CDH12: variants seen among roughly 807,000 people sequenced by gnomAD.
CDH12 encodes the protein cadherin-12.
A neutral mutation model predicts 74.1 loss-of-function variants in CDH12; 41 were observed. The ratio of observed to expected loss-of-function variants is 0.55; its 90% CI spans 0.43 to 0.72. The LOEUF (loss-of-function observed/expected upper bound fraction) is 0.72, where lower values mean the gene tolerates loss of function less well. Among genes scored for constraint, CDH12 ranks in the 30% least tolerant of loss-of-function variants. The pLI is 0.00. For synonymous variants in CDH12, 399 were observed against 355.0 expected (o/e 1.12, Z -1.39); for missense variants, 945 against 977.2 (o/e 0.97, Z 0.44).
At chr5:22,115,684 C>T (rs576881422) in intron 4 of CDH12, among the ~76,000 whole-genome samples, 2 of 143,918 alleles carry the variant, frequency 1.4e-5, no homozygotes, top group African/African-American at 5.1e-5. Flanking sequence ...TTTTGGTCCT[C>T]GCGACTTTTT....
chr5:22,333,792 G>A (rs1739445990), intron 3 of CDH12, among the ~76,000 whole-genome samples: 1 of 152,208 alleles, frequency 6.6e-6, no homozygotes, highest in Non-Finnish European at 1.5e-5. Flanking sequence ...TCATGAATAA[G>A]TTGGATTTAT....
chr5:22,512,833 C>T lies in CDH12; in HGVS notation c.-522-7469G>A, dbSNP rs1001309009. ...TTCCCAACACTTTGGGAGGCCTAGT[C>T]GGGTGGATCATCTGAGTTCGGAGTT... On this transcript the variant is annotated intron_variant, in intron 1 of 14. Coordinates refer to ENST00000382254, the MANE Select transcript of CDH12 (RefSeq NM_004061.5). Among the ~76,000 whole-genome samples the T allele has an allele frequency of 9.2e-4, 140 of 152,032 alleles. 1 individual carries two copies. Among genetic ancestry groups the T allele is most frequent in the Non-Finnish European group, 6.8e-4 (46 of 68,014 alleles).
chr5:22,493,739 A>G (rs1746986055), intron 2 of CDH12, among the ~76,000 whole-genome samples: 1 of 152,194 alleles, frequency 6.6e-6, no homozygotes, highest in Admixed American at 6.5e-5. Flanking sequence ...AAGGCTGGGT[A>G]CTTGAAAGAA....
At chr5:22,549,996 A>G (rs1328707826) in intron 1 of CDH12, among the ~76,000 whole-genome samples, 1 of 152,082 alleles carries the variant, frequency 6.6e-6, no homozygotes, top group Non-Finnish European at 1.5e-5. Flanking sequence ...TTTGCCCACA[A>G]CTTCCTCTTA....
intron 2 of CDH12, among the ~76,000 whole-genome samples, chr5:22,489,810 CT>C (rs1258029334): frequency 6.6e-6 from 1 of 150,946 alleles, no homozygotes; most frequent in African/African-American, 2.4e-5. Flanking sequence ...TCCTCAGCCT[CT>C]GGATTAGCTG....
chr5:22,464,454 G>C (rs956977178), intron 2 of CDH12, among the ~76,000 whole-genome samples: 1 of 152,116 alleles, frequency 6.6e-6, no homozygotes. Context: ...AACTCATGCT[G>C]TTTAAGCTAC....
intron 4 of CDH12, among the ~76,000 whole-genome samples, chr5:22,209,816 A>C (rs141697906): frequency 6.6e-6 from 1 of 152,158 alleles, no homozygotes; most frequent in Non-Finnish European, 1.5e-5. Context: ...AAATAGTCTT[A>C]CAATATTCAT....
intron 2 of CDH12, among the ~76,000 whole-genome samples, chr5:22,418,277 G>T (rs899361892): frequency 6.6e-6 from 1 of 151,988 alleles, no homozygotes; most frequent in African/African-American, 2.4e-5. Flanking sequence ...GAATGCTTGT[G>T]ATTTTTGCAC....
chr5:22,068,370 G>C (rs1741710449), intron 5 of CDH12, among the ~76,000 whole-genome samples: 1 of 152,192 alleles, frequency 6.6e-6, no homozygotes, highest in South Asian at 2.1e-4. Flanking sequence ...GGTTCTTCAT[G>C]ATAAGCAAGC....
intron 1 of CDH12, among the ~76,000 whole-genome samples, chr5:22,678,044 T>TGGCGGG (rs35237837): frequency 5.9e-5 from 8 of 135,212 alleles, no homozygotes; most frequent in South Asian, 2.6e-4. Context: ...ACCATCCTCA[T>TGGCGGG]GGGGGGGGGG....
chr5:22,174,635 G>C (rs905940332), intron 4 of CDH12, among the ~76,000 whole-genome samples: 1 of 151,880 alleles, frequency 6.6e-6, no homozygotes, highest in Non-Finnish European at 1.5e-5. Context: ...AGTTCTGCCT[G>C]TTCTATTAAG....
At chr5:21,905,666 G>C (rs1014089434) in intron 6 of CDH12, among the ~76,000 whole-genome samples, 4 of 152,112 alleles carry the variant, frequency 2.6e-5, no homozygotes, top group African/African-American at 4.8e-5. Context: ...GGACTAGAAA[G>C]TTCTCACAGA....
At chr5:22,796,428 A>C (rs1310769885) in intron 1 of CDH12, among the ~76,000 whole-genome samples, 1 of 150,006 alleles carries the variant, frequency 6.7e-6, no homozygotes, top group Admixed American at 6.6e-5. Context: ...CATTTCAGTT[A>C]TTAGTAGGAT....
At chr5:22,509,048 C>A (rs1736502642) in intron 1 of CDH12, among the ~76,000 whole-genome samples, 1 of 152,162 alleles carries the variant, frequency 6.6e-6, no homozygotes, top group East Asian at 1.9e-4. Context: ...TCTAATAAAA[C>A]AACTTCCTCA....
chr5:22,708,319 A>T (rs1743123104), intron 1 of CDH12, among the ~76,000 whole-genome samples: 1 of 152,200 alleles, frequency 6.6e-6, no homozygotes, highest in Non-Finnish European at 1.5e-5. Flanking sequence ...CAACACAAAC[A>T]TATGTACAAA....
At chr5:22,083,163 G>T (rs1742850966) in intron 4 of CDH12, among the ~76,000 whole-genome samples, 2 of 152,146 alleles carry the variant, frequency 1.3e-5, no homozygotes, top group South Asian at 4.1e-4. Context: ...CTTAGCAGAA[G>T]CACTTGTAAT....
intron 1 of CDH12, among the ~76,000 whole-genome samples, chr5:22,745,113 C>T (rs932091360): frequency 1.3e-5 from 2 of 151,764 alleles, no homozygotes; most frequent in African/African-American, 2.4e-5. Flanking sequence ...CACAATGAAA[C>T]ATTCTTGTTT....
intron 1 of CDH12, among the ~76,000 whole-genome samples, chr5:22,851,444 A>G (rs59334935): frequency 0.053 from 8,056 of 152,228 alleles, 333 homozygotes; most frequent in South Asian, 0.17. Flanking sequence ...AAGGGGATTA[A>G]CAATGCCAGG....
chr5:22,534,696 G>A (rs1207286371), intron 1 of CDH12, among the ~76,000 whole-genome samples: 4 of 151,968 alleles, frequency 2.6e-5, no homozygotes, highest in African/African-American at 9.7e-5. Flanking sequence ...CCATATGGAG[G>A]AGTACAGGGT....
Sources: gnomAD v4.1 joint callset for allele counts (sites outside exome capture counted in the v4.1 genomes callset) on GRCh38, gnomAD v4.1.1 for gene constraint, MANE v1.5 for transcripts, NCBI Gene and HGNC (gene_info 2026-07-23, HGNC 2026-07-21) for gene names.